ITGB8: variants seen among roughly 807,000 people sequenced by gnomAD.
ITGB8 encodes the protein integrin beta-8.
ITGB8 carries 30 observed loss-of-function variants against 89.5 expected under a neutral mutation model. The ratio of observed to expected loss-of-function variants is 0.34; its 90% CI spans 0.25 to 0.45. ITGB8 has a LOEUF of 0.45. ITGB8 is among the 20% of genes least tolerant of loss of function. ITGB8 has a pLI of 1.00. For synonymous variants in ITGB8, 335 were observed against 320.4 expected, an observed-to-expected ratio of 1.05 and a Z score of -0.49; for missense variants, 836 against 933.3, an observed-to-expected ratio of 0.90 and a Z score of 1.36.
intron 1 of ITGB8, among the ~76,000 whole-genome samples, chr7:20,355,926 TATC>T (rs1785277556): frequency 6.6e-6 from 1 of 152,244 alleles, no homozygotes; most frequent in Admixed American, 6.5e-5. Flanking sequence ...ACAGATGTGT[TATC>T]ATTATTTGAA....
At chr7:20,330,122 G>A (rs924461100), upstream of ITGB8, among the ~76,000 whole-genome samples, 3 of 152,150 alleles carry the variant, frequency 2.0e-5, no homozygotes, top group Admixed American at 1.3e-4. Flanking sequence ...CCAGACGCTG[G>A]GGAAAAACAG....
chr7:20,395,798 A>G (rs976088743), intron 8 of ITGB8, among the ~76,000 whole-genome samples: 1 of 152,222 alleles, frequency 6.6e-6, no homozygotes, highest in Non-Finnish European at 1.5e-5. Context: ...AGTGAAACAA[A>G]CTTATCAAAG....
chr7:20,355,149 G>A (rs984809146), intron 1 of ITGB8, among the ~76,000 whole-genome samples: 2 of 152,086 alleles, frequency 1.3e-5, no homozygotes, highest in African/African-American at 4.8e-5. Context: ...ACATCAACCC[G>A]CTCCAACCCC....
intron 6 of ITGB8, among the ~76,000 whole-genome samples, chr7:20,388,375 G>A (rs1037848126): frequency 6.6e-6 from 1 of 152,208 alleles, no homozygotes; most frequent in Non-Finnish European, 1.5e-5. Flanking sequence ...GGCTGAGAGG[G>A]AGCGTGTCTC....
chr7:20,380,839 G>A lies in ITGB8; in HGVS notation c.801+8G>A, dbSNP rs201145214. The A allele has an allele frequency of 1.3e-6, 2 of 1,598,938 alleles. No homozygotes were observed. The highest frequency in any genetic ancestry group is 1.8e-5 in the Admixed American group (1 of 56,902). On this transcript the variant is annotated splice_region_variant and intron_variant, in intron 5 of 13. Transcript: ENST00000222573. Reference sequence around the variant, plus strand: ...CAGGCAGCTGTCTGTGAAGTAAGACGTTTCACATGATCGAGTGTTTGCTAA... The same window carrying A: ...CAGGCAGCTGTCTGTGAAGTAAGACATTTCACATGATCGAGTGTTTGCTAA...
At chr7:20,393,227 G>A (rs1401104085) in intron 7 of ITGB8, among the ~76,000 whole-genome samples, 1 of 152,022 alleles carries the variant, frequency 6.6e-6, no homozygotes, top group Non-Finnish European at 1.5e-5. Flanking sequence ...CAGCATTATT[G>A]GCTCTAGCAG....
At chr7:20,343,002 T>A (rs905868038) in intron 1 of ITGB8, among the ~76,000 whole-genome samples, 1 of 152,210 alleles carries the variant, frequency 6.6e-6, no homozygotes, top group African/African-American at 2.4e-5. Flanking sequence ...CATTCAAATA[T>A]AAATTGGTTG....
chr7:20,339,903 C>G (rs1208899828), intron 1 of ITGB8, among the ~76,000 whole-genome samples: 2 of 152,280 alleles, frequency 1.3e-5, no homozygotes, highest in African/African-American at 2.4e-5. Flanking sequence ...TGGCAGACAC[C>G]TGTAATCCCA....
At chr7:20,354,459 T>TA (rs1475296588) in intron 1 of ITGB8, among the ~76,000 whole-genome samples, 2 of 152,214 alleles carry the variant, frequency 1.3e-5, no homozygotes, top group Non-Finnish European at 2.9e-5. Flanking sequence ...AGGAATTGTG[T>TA]TTATCTGCAA....
intron 1 of ITGB8, among the ~76,000 whole-genome samples, chr7:20,357,695 A>C (rs2128134409): frequency 6.6e-6 from 1 of 152,292 alleles, no homozygotes; most frequent in African/African-American, 2.4e-5. Context: ...GGAGATGGAG[A>C]CTTGGAGAGT....
At chr7:20,349,071 C>A (rs565974875) in intron 1 of ITGB8, among the ~76,000 whole-genome samples, 2 of 151,924 alleles carry the variant, frequency 1.3e-5, no homozygotes, top group Non-Finnish European at 2.9e-5. Context: ...TTAAACTGAA[C>A]GAATGTTAAT....
At chr7:20,339,178 G>A (rs7805218) in intron 1 of ITGB8, among the ~76,000 whole-genome samples, 33,665 of 138,274 alleles carry the variant, frequency 0.24, 4,852 homozygotes, top group Non-Finnish European at 0.32. Flanking sequence ...GCGACAGAGC[G>A]AGACTCCATC....
intron 3 of ITGB8, among the ~76,000 whole-genome samples, chr7:20,367,405 G>A (rs1785746046): frequency 6.6e-6 from 1 of 151,416 alleles, no homozygotes; most frequent in African/African-American, 2.4e-5. Flanking sequence ...TTCTAATTAT[G>A]TGTTCTGTTC....
At chr7:20,366,458 A>G (rs1456413024) in intron 2 of ITGB8, 1 of 152,270 alleles carries the variant, frequency 6.6e-6, no homozygotes, top group Non-Finnish European at 1.5e-5. Context: ...ATTGATGAAA[A>G]TAACAACCAA....
chr7:20,346,872 T>C, intron 1 of ITGB8: 1 of 984,772 alleles, frequency 1.0e-6, no homozygotes, highest in Non-Finnish European at 1.2e-6. Context: ...GGCAGGTAGA[T>C]TTGTTAGAAC....
intron 12 of ITGB8, among the ~76,000 whole-genome samples, chr7:20,407,736 G>A (rs2127987748): frequency 6.6e-6 from 1 of 152,264 alleles, no homozygotes. Context: ...CATTTATTAT[G>A]TTAAGTAAAC....
chr7:20,380,916 G>T lies in ITGB8; in HGVS notation c.801+85G>T, dbSNP rs1189861833. 6.0e-5 allele frequency: 70 copies of T among 1,162,622 alleles called. 1 individual carries two copies. The highest frequency in any genetic ancestry group is 8.3e-5 in the Non-Finnish European group (67 of 804,050). 72.0% of individuals were successfully genotyped at this position (1,162,622 alleles called of 1,614,324 possible). On this transcript the variant is annotated intron_variant, in intron 5 of 13. Coordinates refer to ENST00000222573, the MANE Select transcript of ITGB8 (RefSeq NM_002214.3). ...CGTTTTATTTTCTCTTTGATTTGTG[G>T]AGTGAAAACGTAGTGTAGAAGAAAA...
chr7:20,346,977 A>G (rs1784946427), intron 1 of ITGB8: 2 of 414,626 alleles, frequency 4.8e-6, no homozygotes, highest in African/African-American at 4.3e-5. Flanking sequence ...GCCTTTGGAA[A>G]ATGACTAGGT....
At chr7:20,387,253 T>A (rs1265525431) in intron 6 of ITGB8, among the ~76,000 whole-genome samples, 1 of 152,226 alleles carries the variant, frequency 6.6e-6, no homozygotes, top group Non-Finnish European at 1.5e-5. Flanking sequence ...GAGATCAGCA[T>A]CTTGTCTGGA....
Sources: allele counts gnomAD v4.1 joint callset (sites outside exome capture counted in the v4.1 genomes callset), GRCh38; gene constraint gnomAD v4.1.1; transcripts MANE v1.5; gene names NCBI Gene and HGNC (gene_info 2026-07-23, HGNC 2026-07-21).